The following ARHGAP17 variants were observed in gnomAD, a reference collection of about 807,000 sequenced individuals.
The protein encoded by ARHGAP17 is rho GTPase-activating protein 17.
ARHGAP17 carries 57 observed loss-of-function variants against 99.5 expected under a neutral mutation model. The ratio of observed to expected loss-of-function variants is 0.57; its 90% CI spans 0.46 to 0.71. The LOEUF is 0.71. Among genes scored for constraint, ARHGAP17 ranks in the 30% least tolerant of loss-of-function variants. The probability of loss-of-function intolerance (pLI) is 0.00; values close to 1 mark genes in which losing one functional copy is unlikely to be tolerated. For synonymous variants in ARHGAP17, 417 were observed against 429.6 expected (o/e 0.97, Z 0.36); for missense variants, 1,000 against 1,122.4 (o/e 0.89, Z 1.56).
At chr16:24,972,995 C>T (rs542613378) in intron 3 of ARHGAP17, among the ~76,000 whole-genome samples, 8 of 151,546 alleles carry the variant, frequency 5.3e-5, no homozygotes, top group African/African-American at 1.2e-4. Context: ...AGGTCAGTGA[C>T]GCGATCTCAG....
intron 1 of ARHGAP17, among the ~76,000 whole-genome samples, chr16:24,993,834 C>T (rs1163010805): frequency 6.6e-6 from 1 of 152,204 alleles, no homozygotes; most frequent in Non-Finnish European, 1.5e-5. Flanking sequence ...AAATACATCC[C>T]TTAACCTTTC....
At chr16:24,950,855 A>AAG (rs1471173020) in intron 12 of ARHGAP17, among the ~76,000 whole-genome samples, 10 of 149,878 alleles carry the variant, frequency 6.7e-5, no homozygotes, top group African/African-American at 2.5e-4. Flanking sequence ...AAAAAAAAAA[A>AAG]AAAGAAAAAA....
At chr16:24,998,694 C>A (rs2053272652) in intron 1 of ARHGAP17, among the ~76,000 whole-genome samples, 1 of 152,232 alleles carries the variant, frequency 6.6e-6, no homozygotes, top group Non-Finnish European at 1.5e-5. Context: ...CTGGCAGCCC[C>A]ACACTGCACG....
intron 1 of ARHGAP17, among the ~76,000 whole-genome samples, chr16:24,979,993 G>A (rs1373927270): frequency 6.6e-6 from 1 of 152,190 alleles, no homozygotes; most frequent in East Asian, 1.9e-4. Context: ...TTACATGCGT[G>A]AGCCACCGCG....
In ARHGAP17 at chr16:25,011,516, C is replaced by T. The variant is rs1360505775; in HGVS notation, c.53+3693G>A. On this transcript the variant is annotated intron_variant, in intron 1 of 19. Transcript: ENST00000289968. ...GGGCAGGAGTTTGAGACCAGCCTGG[C>T]CAACATGGCAAAACCACATCTCTAC... Among the ~76,000 whole-genome samples the T allele has an allele frequency of 4.0e-5, 6 of 150,252 alleles. No individual in the cohort carries two copies. In the East Asian group the frequency reaches 1.2e-3, roughly 29 times the overall value.
chr16:24,943,789 C>G lies in ARHGAP17; in HGVS notation c.1315G>C (p.Asp439His). The stretch of plus-strand genomic sequence containing the variant: ...GAATTACCTTCAGGGAAGAACCAGT[C>G]GGCATGCTGAATGATGGGTTCAATC... ...AVIEPIIQHA[D>H]WFFPEEVEFN... Residue 439 changes from aspartate (D) to histidine (H), a missense_variant, in exon 15 of 20, where the codon GAC becomes CAC. By Grantham distance (81) the Asp-to-His change is moderately conservative (BLOSUM62 -1). This residue lies in a region of ARHGAP17 where 472 missense variants were observed against 611.1 expected (regional missense o/e 0.77). Coordinates refer to ENST00000289968, the MANE Select transcript of ARHGAP17 (RefSeq NM_001006634.3). The G allele has an allele frequency of 6.2e-7, 1 of 1,614,122 alleles. No homozygotes were observed. Among genetic ancestry groups the G allele is most frequent in the Non-Finnish European group, 8.5e-7 (1 of 1,179,992 alleles).
At chr16:25,001,415 CT>C (rs1396604921) in intron 1 of ARHGAP17, among the ~76,000 whole-genome samples, 2 of 152,108 alleles carry the variant, frequency 1.3e-5, no homozygotes, top group African/African-American at 4.8e-5. Flanking sequence ...CCTTTAGAGC[CT>C]AGCCCACAAC....
At chr16:25,013,456 T>A (rs2141558516) in intron 1 of ARHGAP17, among the ~76,000 whole-genome samples, 1 of 152,228 alleles carries the variant, frequency 6.6e-6, no homozygotes, top group Non-Finnish European at 1.5e-5. Context: ...ATCCCCACTC[T>A]ACAAAAAATA....
intron 1 of ARHGAP17, among the ~76,000 whole-genome samples, chr16:24,993,222 G>A (rs189243228): frequency 5.2e-4 from 79 of 152,232 alleles, no homozygotes; most frequent in African/African-American, 1.9e-3. Context: ...TTTCTGTTAT[G>A]AAAGCACTTT....
intron 13 of ARHGAP17, among the ~76,000 whole-genome samples, 173 bp from the exon 14 acceptor site, chr16:24,947,768 G>T (rs904407334): frequency 6.6e-6 from 1 of 152,160 alleles, no homozygotes; most frequent in Non-Finnish European, 1.5e-5. Context: ...CTTTGCTTCA[G>T]ATAATAGACT....
chr16:24,933,482 TAAA>T (rs761021840), intron 18 of ARHGAP17, among the ~76,000 whole-genome samples: 5 of 144,200 alleles, frequency 3.5e-5, no homozygotes, highest in Non-Finnish European at 6.0e-5. Flanking sequence ...ACCCTGCCTC[TAAA>T]AAACATAAGA....
At position 24,920,236 on chromosome 16, in the gene ARHGAP17, G is replaced by A. The variant is rs528922096; in HGVS notation, c.2540C>T (p.Pro847Leu). 14 of 1,614,096 alleles carry A rather than the reference G, an allele frequency of 8.7e-6. No homozygotes were observed. The highest frequency in any genetic ancestry group is 8.3e-5 in the Admixed American group (5 of 60,028). ...CATTTCAGGAAAGATGCTGCGATGC[G>A]GTTCTGAAACCCTGGAATTGGAGTC... ...VTDSNSRVSE[P>L]HRSIFPEMHS... The change falls in exon 20 of 20, where the codon CCG becomes CTG. Residue 847 changes from proline to leucine, a missense_variant. Coordinates refer to ENST00000289968, the MANE Select transcript of ARHGAP17 (RefSeq NM_001006634.3).
In ARHGAP17 at chr16:24,961,622, C is replaced by T. The variant is rs149918564; in HGVS notation, c.574-1643G>A. ...CTTGGCCCACCGCAACCTCCATCTC[C>T]GGGGTTCAAGCGATTCTCCTGCCTC... On this transcript the variant is annotated intron_variant, in intron 7 of 19. Coordinates refer to ENST00000289968, the MANE Select transcript of ARHGAP17 (RefSeq NM_001006634.3). Among the ~76,000 whole-genome samples the T allele has an allele frequency of 2.1e-3, 310 of 144,412 alleles. 2 individuals are homozygous for T. Among genetic ancestry groups the T allele is most frequent in the Middle Eastern group, 0.014 (4 of 276 alleles). The allele number at this position is 144,412 out of a possible 152,430, so 94.7% of individuals were successfully genotyped here. A position where few individuals can be genotyped will look rare whatever the true frequency, so the allele number is the denominator to read the frequency against.
chr16:24,994,048 A>G (rs2053125951), intron 1 of ARHGAP17, among the ~76,000 whole-genome samples: 1 of 152,210 alleles, frequency 6.6e-6, no homozygotes, highest in Non-Finnish European at 1.5e-5. Flanking sequence ...CTCCTCTGGA[A>G]TTCTACAATA....
chr16:24,965,265 T>G (rs1357108996), intron 6 of ARHGAP17, among the ~76,000 whole-genome samples: 2 of 152,174 alleles, frequency 1.3e-5, no homozygotes, highest in African/African-American at 4.8e-5. Context: ...GGTCAGGATA[T>G]CGAGACCATC....
chr16:24,950,155 G>A (rs888438416), intron 12 of ARHGAP17, among the ~76,000 whole-genome samples: 2 of 152,188 alleles, frequency 1.3e-5, no homozygotes, highest in Non-Finnish European at 2.9e-5. Flanking sequence ...CCATTCTGGA[G>A]AACATGGATA....
chr16:24,931,236 T>C lies in ARHGAP17; in HGVS notation c.2063A>G (p.Gln688Arg). Residue 688 changes from glutamine (Q) to arginine (R), a missense_variant, in exon 19 of 20, where the codon CAG becomes CGG. Gln to Arg is a conservative substitution (Grantham distance 43). Coordinates refer to ENST00000289968, the MANE Select transcript of ARHGAP17 (RefSeq NM_001006634.3). The part of the protein sequence containing the change: ...PTQHTGQPPG[Q>R]PSAPSQLSAP... ...TGAGAGCTGGGAGGGGGCGGAGGGC[T>C]GGCCTGGAGGCTGGCCCGTGTGCTG... The C allele has an allele frequency of 7.2e-7, 1 of 1,387,878 alleles. No individual in the cohort carries two copies. Among genetic ancestry groups the C allele is most frequent in the Non-Finnish European group, 9.5e-7 (1 of 1,048,322 alleles). The allele number at this position is 1,387,878 out of a possible 1,614,324, so 86.0% of individuals were successfully genotyped here.
chr16:24,939,897 T>C (rs2051264346), intron 16 of ARHGAP17: 3 of 393,968 alleles, frequency 7.6e-6, no homozygotes, highest in African/African-American at 6.3e-5. Flanking sequence ...TTTATCCCCA[T>C]ACTTCCTCTG....
chr16:24,961,723 G>A (rs1042056633), intron 7 of ARHGAP17, among the ~76,000 whole-genome samples: 11 of 150,372 alleles, frequency 7.3e-5, no homozygotes, highest in African/African-American at 2.7e-4. Flanking sequence ...TAGTAGAGAT[G>A]GAGTTTCATC....
Sources: gnomAD v4.1 joint callset for allele counts (sites outside exome capture counted in the v4.1 genomes callset) on GRCh38, gnomAD v4.1.1 for gene constraint, gnomAD v4.1.1 regional missense constraint, MANE v1.5 for transcripts, NCBI Gene and HGNC (gene_info 2026-07-23, HGNC 2026-07-21) for gene names.